The following GNAS variants were observed in gnomAD, a reference collection of about 807,000 sequenced individuals.
GNAS encodes the protein GNAS complex locus, also known as protein ALEX.
In GNAS, 8 loss-of-function variants were observed where a neutral mutation model predicts 54.5. The observed-to-expected ratio is 0.15, with a 90% CI of 0.09 to 0.26. The LOEUF is 0.26. Among genes scored for constraint, GNAS ranks in the 10% least tolerant of loss-of-function variants. The pLI is 1.00. For missense variants in GNAS, 170 were observed against 529.8 expected (o/e 0.32, Z 6.67); for synonymous variants, 204 against 191.4 (o/e 1.07, Z -0.54).
At chr20:58,889,416 GCCGGGT>G (rs1568969749), upstream of GNAS, 1 of 977,404 alleles carries the variant, frequency 1.0e-6, no homozygotes, top group East Asian at 1.2e-4. Context: ...GGCAAGAGCC[GCCGGGT>G]CCGGGACAAG....
At chr20:58,883,855 G>A (rs1052251647) in intron 1 of GNAS, among the ~76,000 whole-genome samples, 13 of 152,326 alleles carry the variant, frequency 8.5e-5, no homozygotes, top group Admixed American at 7.8e-4. Flanking sequence ...ACTGTGCCCC[G>A]ATGGTTAGTT....
chr20:58,905,646 A>G (rs1431281294), intron 6 of GNAS, among the ~76,000 whole-genome samples, 166 bp downstream of exon 6: 1 of 152,174 alleles, frequency 6.6e-6, no homozygotes, highest in African/African-American at 2.4e-5. Flanking sequence ...TTGTTTATTT[A>G]TAAAGTCCTT....
At chr20:58,885,457 T>C (rs62203846) in intron 1 of GNAS, among the ~76,000 whole-genome samples, 19,421 of 152,250 alleles carry the variant, frequency 0.13, 1,656 homozygotes, top group Non-Finnish European at 0.18. Flanking sequence ...CATTTTAAAA[T>C]GAGTTGATGG....
At chr20:58,884,131 C>G (rs974070058) in intron 1 of GNAS, among the ~76,000 whole-genome samples, 1 of 152,190 alleles carries the variant, frequency 6.6e-6, no homozygotes. Flanking sequence ...TTTTCCCAAA[C>G]TGAGGCTAGA....
chr20:58,854,374 G>A (rs2086334364), intron 1 of GNAS: 1 of 1,571,898 alleles, frequency 6.4e-7, no homozygotes, highest in Non-Finnish European at 8.6e-7. Context: ...GCCGCGGAGG[G>A]AGGAAAAGTA....
chr20:58,884,000 G>A (rs1321580121), intron 1 of GNAS, among the ~76,000 whole-genome samples: 1 of 152,232 alleles, frequency 6.6e-6, no homozygotes, highest in African/African-American at 2.4e-5. Context: ...TTAAATGTGT[G>A]ACTAATTATG....
chr20:58,888,360 A>T (rs1014932857), upstream of GNAS: 1 of 152,148 alleles, frequency 6.6e-6, no homozygotes, highest in African/African-American at 2.4e-5. Context: ...AGCAGACACC[A>T]TGGTGGCAGC....
chr20:58,867,749 A>C (rs1286200975), intron 1 of GNAS, among the ~76,000 whole-genome samples: 3 of 152,218 alleles, frequency 2.0e-5, no homozygotes, highest in African/African-American at 7.2e-5. Flanking sequence ...GATTCTGCCA[A>C]GTATTCCTGG....
intron 3 of GNAS, chr20:58,900,423 G>A (rs574268046): frequency 8.4e-5 from 17 of 202,706 alleles, no homozygotes; most frequent in Middle Eastern, 1.7e-3. Flanking sequence ...CCTGTATCTC[G>A]CGTCTGTCTT....
rs2085742123 is a variant in GNAS at position 58,841,834 on chromosome 20, G to A, written c.43+948G>A. The stretch of plus-strand genomic sequence containing the variant: ...GCAGGAGACGTCCTGGGCTGTTTGC[G>A]CAGGACCTCTGGAGGCCCTCGAGAT... On this transcript the variant is annotated intron_variant, in intron 1 of 12. Transcript: ENST00000306090. This position sits in a 1 kb window ranked among gnomAD's most constrained non-coding sequence, Gnocchi z 5.0. The A allele has an allele frequency of 4.1e-6, 5 of 1,230,932 alleles. No homozygotes were observed. The highest frequency in any genetic ancestry group is 4.0e-6 in the Non-Finnish European group (4 of 987,952). 76.3% of individuals were successfully genotyped at this position (1,230,932 alleles called of 1,614,324 possible). A position where few individuals can be genotyped will look rare whatever the true frequency, so the allele number is the denominator to read the frequency against.
chr20:58,858,938 C>G (rs375122047), intron 1 of GNAS, among the ~76,000 whole-genome samples: 1 of 152,168 alleles, frequency 6.6e-6, no homozygotes, highest in Non-Finnish European at 1.5e-5. Context: ...TTTTCAGTCT[C>G]CTAGTAAGAT....
At chr20:58,893,845 C>T (rs904892763) in intron 1 of GNAS, among the ~76,000 whole-genome samples, 7 of 152,178 alleles carry the variant, frequency 4.6e-5, no homozygotes, top group Admixed American at 2.0e-4. Flanking sequence ...TTAAAATTTC[C>T]AACACCTTTT....
At chr20:58,894,296 C>T (rs1473195865) in intron 1 of GNAS, among the ~76,000 whole-genome samples, 3 of 152,176 alleles carry the variant, frequency 2.0e-5, no homozygotes, top group Admixed American at 6.6e-5. Context: ...CTAAATATTA[C>T]GTATTGTTTC....
intron 1 of GNAS, among the ~76,000 whole-genome samples, chr20:58,881,201 G>A (rs1200909777): frequency 1.3e-5 from 2 of 152,134 alleles, no homozygotes; most frequent in African/African-American, 4.8e-5. Context: ...CAGAGGCGTG[G>A]GTTAAATAAC....
chr20:58,878,160 G>C (rs1273396044), intron 1 of GNAS, among the ~76,000 whole-genome samples: 1 of 152,206 alleles, frequency 6.6e-6, no homozygotes, highest in Non-Finnish European at 1.5e-5. Flanking sequence ...GAGCCTGCTT[G>C]TCTGGGCTGC....
Position 58,910,830 on chromosome 20 carries a change from G to A in GNAS, c.*1G>A. On this transcript the variant is annotated 3_prime_UTR_variant, in exon 13 of 13. Coordinates refer to ENST00000371085, the MANE Select transcript of GNAS (RefSeq NM_000516.7). This position sits in a 1 kb window ranked among gnomAD's most constrained non-coding sequence, Gnocchi z 5.8. Reference sequence around the variant, plus strand: ...CCTTCGTCAGTACGAGCTGCTCTAAGAAGGGAACCCCCAAATTTAATTAAA... The same window carrying A: ...CCTTCGTCAGTACGAGCTGCTCTAAAAAGGGAACCCCCAAATTTAATTAAA... The A allele has an allele frequency of 6.2e-7, 1 of 1,613,858 alleles. No homozygotes were observed. Among genetic ancestry groups the A allele is most frequent in the Non-Finnish European group, 8.5e-7 (1 of 1,179,778 alleles).
intron 1 of GNAS, among the ~76,000 whole-genome samples, chr20:58,893,048 C>T (rs2089642866): frequency 1.4e-5 from 2 of 139,918 alleles, no homozygotes; most frequent in African/African-American, 2.7e-5. Flanking sequence ...GCTTCTTGGT[C>T]TGGAAATGGC....
chr20:58,889,132 G>A (rs776763740), upstream of GNAS: 2,192 of 1,195,310 alleles, frequency 1.8e-3, 6 homozygotes, highest in Non-Finnish European at 2.2e-3. Context: ...AAGAGGCTGG[G>A]GCGTCATCGG....
rs1350943150 is a variant in GNAS, at chr20:58,841,919, A to G, written c.43+1033A>G. Reference sequence around the variant, plus strand: ...CAGGCTGGAGACGGGGGTCGCGTCTAACATCAGGATAACTTACAATTCGTT... The same window carrying G: ...CAGGCTGGAGACGGGGGTCGCGTCTGACATCAGGATAACTTACAATTCGTT... On this transcript the variant is annotated intron_variant, in intron 1 of 12. Transcript: ENST00000306090. This position sits in a 1 kb window ranked among gnomAD's most constrained non-coding sequence, Gnocchi z 5.0. 1 of 1,213,688 alleles carries G rather than the reference A, an allele frequency of 8.2e-7. No individual in the cohort carries two copies. The highest frequency in any genetic ancestry group is 1.0e-6 in the Non-Finnish European group (1 of 971,648). The allele number at this position is 1,213,688 out of a possible 1,614,324, so 75.2% of individuals were successfully genotyped here.
Sources: gnomAD v4.1 joint callset for allele counts (sites outside exome capture counted in the v4.1 genomes callset) on GRCh38, gnomAD v4.1.1 for gene constraint, Gnocchi (gnomAD v3.1) non-coding constraint, MANE v1.5 for transcripts, NCBI Gene and HGNC (gene_info 2026-07-23, HGNC 2026-07-21) for gene names.